LRP1: variants seen among roughly 807,000 people sequenced by gnomAD.
The protein encoded by LRP1 is prolow-density lipoprotein receptor-related protein 1.
Under a neutral mutation model 541.5 loss-of-function variants are expected in LRP1, and 51 were observed. That is an observed-to-expected ratio of 0.09 (90% CI 0.08 to 0.12). The LOEUF is 0.12. Among genes scored for constraint, LRP1 ranks in the 10% least tolerant of loss-of-function variants. LRP1 has a pLI of 1.00. For synonymous variants in LRP1, 2,219 were observed against 2,470.8 expected, an observed-to-expected ratio of 0.90 and a Z score of 3.02; for missense variants, 3,878 against 6,376.2, an observed-to-expected ratio of 0.61 and a Z score of 13.34.
rs35369590 is a variant in LRP1, at chr12:57,211,434, T to A, written c.13092-53T>A. 1.7e-3 allele frequency: 2,690 copies of A among 1,609,532 alleles called. 32 individuals are homozygous for A. In the African/African-American group the frequency reaches 0.032, roughly 19 times the overall value. ...TGCCCTGCCCCTCCCTTCCTCAGCA[T>A]CCCAGGCACGCCTCTGCCAGCCCCA... is the stretch of plus-strand genomic sequence containing the variant. On this transcript the variant is annotated intron_variant, in intron 84 of 88. Coordinates refer to ENST00000243077, the MANE Select transcript of LRP1 (RefSeq NM_002332.3). The surrounding 1 kb of genome is among the most constrained non-coding windows in gnomAD (Gnocchi z 4.3).
chr12:57,191,849 C>CCACA (rs2036395601), intron 44 of LRP1, among the ~76,000 whole-genome samples: 5 of 8,096 alleles, frequency 6.2e-4, no homozygotes, highest in Middle Eastern at 0.062. Context: ...CACACACACA[C>CCACA]CACACACCAC....
In LRP1 at chr12:57,154,531, A is replaced by C; in HGVS notation, c.1057A>C (p.Met353Leu). ...GQIPKVERCD[M>L]DGQNRTKLVD... ...GATCCCAAAGGTGGAACGCTGTGAC[A>C]TGGATGGGCAGAACCGCACCAAGCT... is the stretch of plus-strand genomic sequence containing the variant. Residue 353 changes from methionine (M) to leucine (L), a missense_variant, in exon 8 of 89, where the codon ATG becomes CTG. Around this residue, in one of 13 missense-constraint regions of LRP1, gnomAD observed 496 missense variants for 861.0 expected, o/e 0.58. Coordinates refer to ENST00000243077, the MANE Select transcript of LRP1 (RefSeq NM_002332.3). This position sits in a 1 kb window ranked among gnomAD's most constrained non-coding sequence, Gnocchi z 4.6. The C allele has an allele frequency of 6.2e-7, 1 of 1,614,234 alleles. No individual in the cohort carries two copies. Among genetic ancestry groups the C allele is most frequent in the Non-Finnish European group, 8.5e-7 (1 of 1,180,036 alleles).
rs1208264547 is a variant in LRP1 at position 57,195,723 on chromosome 12, T to G, written c.8503T>G (p.Phe2835Val). ...CQNRQCIPKH[F>V]VCDHDRDCAD... ...GAACCGCCAGTGCATCCCCAAGCAC[T>G]TCGTGTGTGACCACGACCGTGACTG... Residue 2835 changes from phenylalanine (F) to valine (V), a missense_variant, in exon 53 of 89, where the codon TTC becomes GTC. Phe to Val is a conservative substitution (Grantham distance 50). This residue lies in a region of LRP1 where 1,100 missense variants were observed against 1,827.4 expected (regional missense o/e 0.60). Coordinates refer to ENST00000243077, the MANE Select transcript of LRP1 (RefSeq NM_002332.3). 1 of 1,614,200 alleles carries G rather than the reference T, an allele frequency of 6.2e-7. No individual in the cohort carries two copies.
intron 80 of LRP1, 79 bp downstream of exon 80, chr12:57,209,947 G>C: frequency 6.3e-7 from 1 of 1,590,960 alleles, no homozygotes; most frequent in Non-Finnish European, 8.6e-7. Context: ...CTGGGACCTG[G>C]TGGAGAGGGG....
chr12:57,185,153 C>T lies in LRP1; in HGVS notation c.6411C>T (p.Gly2137=). 1 of 1,614,188 alleles carries T rather than the reference C, an allele frequency of 6.2e-7. No individual in the cohort carries two copies. The highest frequency in any genetic ancestry group is 8.5e-7 in the Non-Finnish European group (1 of 1,180,034). Residue 2137 remains glycine, a synonymous_variant, in exon 40 of 89, where the codon GGC becomes GGT. Transcript: ENST00000243077. The surrounding 1 kb of genome is among the most constrained non-coding windows in gnomAD (Gnocchi z 4.9). ...NATDSVPLRT[G]IGVQLKDIKV... ...CAGACTCCGTGCCCCTGCGAACCGGCATCGGCGTCCAGCTTAAAGACATCA... is the reference window on the plus strand; with the variant it reads ...CAGACTCCGTGCCCCTGCGAACCGGTATCGGCGTCCAGCTTAAAGACATCA...
At chr12:57,150,271 A>G (rs554590138) in intron 6 of LRP1, among the ~76,000 whole-genome samples, 1 of 139,330 alleles carries the variant, frequency 7.2e-6, no homozygotes, top group African/African-American at 2.7e-5. Flanking sequence ...GGCTCACTGC[A>G]AGCTCTGCCT....
chr12:57,149,373 C>T (rs1051466134), intron 6 of LRP1: 13 of 515,754 alleles, frequency 2.5e-5, no homozygotes, highest in Non-Finnish European at 3.8e-5. Flanking sequence ...TCTCCTGGCC[C>T]GGGCCAGCCC....
intron 68 of LRP1, 84 bp from the exon 69 acceptor site, chr12:57,203,097 C>A: frequency 3.0e-6 from 3 of 1,005,810 alleles, no homozygotes; most frequent in Non-Finnish European, 4.3e-6. Context: ...CGGGGATGGG[C>A]CTTGGGCTCG....
At chr12:57,146,145 G>T (rs1418782505) in intron 6 of LRP1, among the ~76,000 whole-genome samples, 1 of 152,134 alleles carries the variant, frequency 6.6e-6, no homozygotes, top group African/African-American at 2.4e-5. Context: ...ACAGAAAGGG[G>T]CACGAGCATA....
chr12:57,197,326 A>T lies in LRP1; in HGVS notation c.9104A>T (p.Asn3035Ile). Residue 3035 changes from asparagine (N) to isoleucine (I), a missense_variant, in exon 57 of 89, where the codon AAC becomes ATC. Coordinates refer to ENST00000243077, the MANE Select transcript of LRP1 (RefSeq NM_002332.3). The surrounding 1 kb of genome is among the most constrained non-coding windows in gnomAD (Gnocchi z 4.5). ...TDEEPFLIFANRYYLRKLNLD... is the reference protein window; with the variant it reads ...TDEEPFLIFAIRYYLRKLNLD... ...GAGGAACCGTTTCTGATCTTCGCCA[A>T]CCGGTACTACCTGCGCAAGCTCAAC... 1 of 1,614,140 alleles carries T rather than the reference A, an allele frequency of 6.2e-7. No homozygotes were observed. Among genetic ancestry groups the T allele is most frequent in the South Asian group, 1.1e-5 (1 of 91,080 alleles).
In LRP1 at chr12:57,166,178, C is replaced by T; in HGVS notation, c.2766C>T (p.Asn922=). 1 of 1,613,454 alleles carries T rather than the reference C, an allele frequency of 6.2e-7. No homozygotes were observed. Among genetic ancestry groups the T allele is most frequent in the South Asian group, 1.1e-5 (1 of 90,946 alleles). Residue 922 remains asparagine (N), a synonymous_variant, in exon 17 of 89, where the codon AAC becomes AAT. Coordinates refer to ENST00000243077, the MANE Select transcript of LRP1 (RefSeq NM_002332.3). ...WLCDGDNDCG[N]SEDESNATCS... ...GCGACGGGGACAATGACTGTGGGAA[C>T]AGTGAAGATGAGTCCAATGCCACTT... is the stretch of plus-strand genomic sequence containing the variant.
chr12:57,156,893 C>A lies in LRP1; in HGVS notation c.1534C>A (p.Leu512Met). 1 of 1,590,158 alleles carries A rather than the reference C, an allele frequency of 6.3e-7. No individual in the cohort carries two copies. Among genetic ancestry groups the A allele is most frequent in the Non-Finnish European group, 8.6e-7 (1 of 1,168,732 alleles). The change falls in exon 10 of 89, where the codon CTG becomes ATG. Residue 512 changes from leucine (L) to methionine (M), a missense_variant. Leu to Met is a conservative substitution (Grantham distance 15). Around this residue, in one of 13 missense-constraint regions of LRP1, gnomAD observed 496 missense variants for 861.0 expected, o/e 0.58. Coordinates refer to ENST00000243077, the MANE Select transcript of LRP1 (RefSeq NM_002332.3). The surrounding 1 kb of genome is among the most constrained non-coding windows in gnomAD (Gnocchi z 5.2). ...RTCRCRSGFS[L>M]GSDGKSCKKP... ...CTGCCGCTGCCGTTCCGGCTTCAGC[C>A]TGGGCAGTGACGGGAAGTCATGCAA...
In LRP1 at chr12:57,154,266, C is replaced by T. The variant is rs202134358; in HGVS notation, c.900C>T (p.Ile300=). ...LTGNFYFVDD[I]DDRIFVCNRN... is the part of the protein sequence containing the mutation. The stretch of plus-strand genomic sequence containing the variant: ...GCAACTTCTACTTTGTGGATGACAT[C>T]GATGATAGGATCTTTGTCTGCAACA... The change falls in exon 7 of 89, where the codon ATC becomes ATT. Residue 300 remains isoleucine, a synonymous_variant. Coordinates refer to ENST00000243077, the MANE Select transcript of LRP1 (RefSeq NM_002332.3). This position sits in a 1 kb window ranked among gnomAD's most constrained non-coding sequence, Gnocchi z 4.6. The T allele has an allele frequency of 1.2e-5, 20 of 1,614,148 alleles. 1 individual carries two copies. The highest frequency in any genetic ancestry group is 4.4e-5 in the South Asian group (4 of 91,074).
In LRP1 at chr12:57,196,147, C is replaced by A; in HGVS notation, c.8762C>A (p.Ala2921Glu). Residue 2921 changes from alanine to glutamate, a missense_variant, in exon 55 of 89, where the codon GCA becomes GAA. Around this residue, in one of 13 missense-constraint regions of LRP1, gnomAD observed 1,100 missense variants for 1,827.4 expected, o/e 0.60. Coordinates refer to ENST00000243077, the MANE Select transcript of LRP1 (RefSeq NM_002332.3). ...AGCAGTGGGCGCTGTGTGGCTGAGG[C>A]ACTGCTCTGCAACGGCCAGGATGAC... is the stretch of plus-strand genomic sequence containing the variant. ...LCSSGRCVAE[A>E]LLCNGQDDCG... 6.2e-7 allele frequency: 1 copy of A among 1,611,666 alleles called. No individual in the cohort carries two copies. The highest frequency in any genetic ancestry group is 8.5e-7 in the Non-Finnish European group (1 of 1,178,404).
chr12:57,202,596 C>T (rs997913740), intron 68 of LRP1, 59 bp downstream of exon 68: 22 of 1,340,910 alleles, frequency 1.6e-5, no homozygotes, highest in Non-Finnish European at 2.1e-5. Flanking sequence ...CCTTGTCTCG[C>T]GGCCCTCCTG....
At chr12:57,181,323 C>A in intron 34 of LRP1, 32 bp downstream of exon 34, 1 of 1,594,588 alleles carries the variant, frequency 6.3e-7, no homozygotes, top group Non-Finnish European at 8.5e-7. Context: ...CAGCCTTGTC[C>A]CAGCTCCCCA....
rs1052396572 is a variant in LRP1, at chr12:57,158,853, C to T, written c.1798+215C>T. On this transcript the variant is annotated intron_variant, in intron 11 of 88. Transcript: ENST00000243077. This position sits in a 1 kb window ranked among gnomAD's most constrained non-coding sequence, Gnocchi z 5.3. Reference sequence around the variant, plus strand: ...TTAGGATGGGTTAGGCAGCATGGGCCGTCCTTGCCAGCCCTTGGGAAAACT... The same window carrying T: ...TTAGGATGGGTTAGGCAGCATGGGCTGTCCTTGCCAGCCCTTGGGAAAACT... Among the ~76,000 whole-genome samples, 3 of 152,080 alleles carry T rather than the reference C, an allele frequency of 2.0e-5. No individual in the cohort carries two copies. The highest frequency in any genetic ancestry group is 4.4e-5 in the Non-Finnish European group (3 of 68,000).
intron 3 of LRP1, among the ~76,000 whole-genome samples, chr12:57,143,013 G>A (rs565764890): frequency 6.6e-6 from 1 of 152,210 alleles, no homozygotes; most frequent in Non-Finnish European, 1.5e-5. Flanking sequence ...GCCATTAACT[G>A]GGTCGCTGGT....
intron 3 of LRP1, among the ~76,000 whole-genome samples, chr12:57,142,890 G>A (rs1032547146): frequency 2.0e-5 from 3 of 152,070 alleles, no homozygotes; most frequent in South Asian, 2.1e-4. Flanking sequence ...GCCTCTAAAC[G>A]TCTTAGCATC....
Sources: allele counts gnomAD v4.1 joint callset (sites outside exome capture counted in the v4.1 genomes callset), GRCh38; gene constraint gnomAD v4.1.1; regional missense constraint gnomAD v4.1.1; non-coding constraint Gnocchi (gnomAD v3.1); transcripts MANE v1.5; gene names NCBI Gene and HGNC (gene_info 2026-07-23, HGNC 2026-07-21).